Variants in CA5B observed in about 807,000 individuals in gnomAD.
CA5B encodes the protein carbonic anhydrase 5B, mitochondrial.
Under a neutral mutation model 23.1 loss-of-function variants are expected in CA5B, and 15 were observed. That is an observed-to-expected ratio of 0.65 (90% confidence interval 0.43 to 1.00). The LOEUF (loss-of-function observed/expected upper bound fraction) is 1.00. CA5B is among the 50% of genes least tolerant of loss of function. The pLI is 0.00. For synonymous variants in CA5B, 84 were observed against 98.5 expected, an observed-to-expected ratio of 0.85 and a Z score of 0.87; for missense variants, 236 against 252.2, an observed-to-expected ratio of 0.94 and a Z score of 0.43.
intron 1 of CA5B, 120 bp from the exon 2 acceptor site, chrX:15,749,847 GCCCT>G: frequency 1.7e-5 from 8 of 478,337 alleles, no homozygotes; most frequent in South Asian, 3.8e-5. Flanking sequence ...ACTCTCATCT[GCCCT>G]CCCTCCCTCC....
chrX:15,775,705 C>T (rs746102780), intron 6 of CA5B: 213 of 756,051 alleles, frequency 2.8e-4, no homozygotes, highest in Non-Finnish European at 3.1e-4. Context: ...AATCCACATC[C>T]TTCAGGTCGG....
intron 3 of CA5B, among the ~76,000 whole-genome samples, chrX:15,772,240 A>G (rs1359504303): frequency 1.8e-5 from 2 of 112,828 alleles, no homozygotes; most frequent in African/African-American, 6.4e-5. Context: ...ATAATATAGG[A>G]TATAAAATTA....
chrX:15,775,132 A>G (rs1006360943), intron 5 of CA5B, 114 bp from the exon 6 acceptor site: 2 of 462,491 alleles, frequency 4.3e-6, no homozygotes, highest in Admixed American at 7.5e-5. Flanking sequence ...AATTTCAGTC[A>G]TGCAGTTTGT....
intron 1 of CA5B, among the ~76,000 whole-genome samples, chrX:15,748,576 A>G (rs1403962566): frequency 9.0e-6 from 1 of 111,064 alleles, no homozygotes; most frequent in Non-Finnish European, 1.9e-5. Context: ...ATATACACAA[A>G]CACACACATA....
chrX:15,753,998 G>C (rs1403512078), intron 2 of CA5B, among the ~76,000 whole-genome samples: 2 of 112,555 alleles, frequency 1.8e-5, no homozygotes, highest in Admixed American at 9.4e-5. Context: ...CCAGGGTCAG[G>C]TTGGAGGTAG....
intron 1 of CA5B, among the ~76,000 whole-genome samples, chrX:15,747,525 T>A (rs1931259685): frequency 9.5e-6 from 1 of 105,143 alleles, no homozygotes; most frequent in South Asian, 4.5e-4. Context: ...GGAGGGGGGG[T>A]AGAAGATGTA....
chrX:15,761,881 C>T (rs886385842), intron 2 of CA5B, among the ~76,000 whole-genome samples: 2 of 112,029 alleles, frequency 1.8e-5, no homozygotes, highest in African/African-American at 6.5e-5. Context: ...TGTTGAAAAC[C>T]ACTGATTTAG....
chrX:15,751,006 A>G (rs1931345171), intron 2 of CA5B, among the ~76,000 whole-genome samples: 1 of 112,046 alleles, frequency 8.9e-6, no homozygotes, highest in Admixed American at 9.5e-5. Flanking sequence ...GACATTGCCA[A>G]ACATGCTCTG....
chrX:15,756,820 C>A lies in CA5B; in HGVS notation c.142+6655C>A, dbSNP rs766796274. Among the ~76,000 whole-genome samples, 4 of 111,131 alleles carry A rather than the reference C, an allele frequency of 3.6e-5. No individual in the cohort carries two copies. In the South Asian group the frequency reaches 1.5e-3, roughly 42 times the overall value. ...CTGTAATCCCAGCACTTTGGGAGGC[C>A]AAGGCGGGTGGATCACAAGGTCAGG... On this transcript the variant is annotated intron_variant, in intron 2 of 7. Transcript: ENST00000318636.
intron 2 of CA5B, among the ~76,000 whole-genome samples, chrX:15,760,880 TC>T (rs763532048): frequency 9.0e-6 from 1 of 111,577 alleles, no homozygotes. Context: ...TTTGAGCTTT[TC>T]CCCCCCAACA....
intron 4 of CA5B, among the ~76,000 whole-genome samples, chrX:15,773,705 G>A (rs192928232): frequency 1.5e-3 from 163 of 110,014 alleles, no homozygotes; most frequent in Non-Finnish European, 2.1e-3. Flanking sequence ...CACCGCGCCC[G>A]GCCTGCCCTG....
At chrX:15,749,016 A>G (rs767937129) in intron 1 of CA5B, among the ~76,000 whole-genome samples, 2 of 112,540 alleles carry the variant, frequency 1.8e-5, no homozygotes, top group East Asian at 5.6e-4. Flanking sequence ...GCAGGCCCAG[A>G]GCACATGGCC....
intron 7 of CA5B, among the ~76,000 whole-genome samples, chrX:15,778,506 GATCA>G (rs1050640495): frequency 1.8e-5 from 2 of 111,828 alleles, no homozygotes; most frequent in Non-Finnish European, 3.8e-5. Context: ...TGGATAAAGA[GATCA>G]ATCAAGGGAA....
chrX:15,763,211 C>T (rs1415892275), intron 2 of CA5B, among the ~76,000 whole-genome samples: 2 of 112,102 alleles, frequency 1.8e-5, no homozygotes, highest in Admixed American at 9.5e-5. Flanking sequence ...ATGCAGGCTA[C>T]GCAAGCCTTT....
At chrX:15,779,109 A>G (rs1467328681) in intron 7 of CA5B, among the ~76,000 whole-genome samples, 1 of 111,697 alleles carries the variant, frequency 9.0e-6, no homozygotes, top group Non-Finnish European at 1.9e-5. Flanking sequence ...ACAATCTGCC[A>G]TCTGCAAGCT....
chrX:15,754,426 C>T (rs188226828), intron 2 of CA5B, among the ~76,000 whole-genome samples: 12 of 112,391 alleles, frequency 1.1e-4, no homozygotes, highest in Non-Finnish European at 2.1e-4. Flanking sequence ...GTGGCAAATT[C>T]GGAAAGCAGC....
At chrX:15,765,024 A>G in intron 3 of CA5B, 1 of 376,177 alleles carries the variant, frequency 2.7e-6, no homozygotes. Context: ...TAGATTTATA[A>G]TTGGTATAGA....
chrX:15,752,366 G>C (rs764298633), intron 2 of CA5B, among the ~76,000 whole-genome samples: 1 of 111,769 alleles, frequency 8.9e-6, no homozygotes, highest in South Asian at 3.7e-4. Context: ...CCCAAAACAT[G>C]TTTCTTTGCC....
chrX:15,771,446 C>T (rs1377501070), intron 3 of CA5B, among the ~76,000 whole-genome samples: 1 of 105,955 alleles, frequency 9.4e-6, no homozygotes, highest in Non-Finnish European at 1.9e-5. Flanking sequence ...TGTGTGTTTG[C>T]GACAGAGTCT....
Sources: allele counts gnomAD v4.1 joint callset (sites outside exome capture counted in the v4.1 genomes callset), GRCh38; gene constraint gnomAD v4.1.1; transcripts MANE v1.5; gene names NCBI Gene and HGNC (gene_info 2026-07-23, HGNC 2026-07-21).